The following PTPRK variants were observed in gnomAD, a reference collection of about 807,000 sequenced individuals.
PTPRK encodes the protein receptor-type tyrosine-protein phosphatase kappa.
Under a neutral mutation model 178.0 loss-of-function variants are expected in PTPRK, and 75 were observed. The observed-to-expected ratio is 0.42, with a 90% CI of 0.35 to 0.51. The LOEUF (loss-of-function observed/expected upper bound fraction) is 0.51, where lower values mean the gene tolerates loss of function less well. PTPRK is among the 20% of genes least tolerant of loss of function. The pLI is 0.02. For missense variants in PTPRK, 1,441 were observed against 1,797.8 expected (o/e 0.80, Z 3.59); for synonymous variants, 637 against 620.6 (o/e 1.03, Z -0.39).
At chr6:128,494,560 C>T (rs562558549) in intron 1 of PTPRK, among the ~76,000 whole-genome samples, 4 of 152,188 alleles carry the variant, frequency 2.6e-5, no homozygotes, top group African/African-American at 9.6e-5. Context: ...CTTTTGTTTC[C>T]CTGGGGGCAA....
chr6:128,123,281 A>AT (rs1337221943), intron 7 of PTPRK, among the ~76,000 whole-genome samples: 1 of 152,156 alleles, frequency 6.6e-6, no homozygotes, highest in Non-Finnish European at 1.5e-5. Flanking sequence ...CTGCAGACAC[A>AT]TTGATTTTTG....
At chr6:128,302,642 A>T (rs1470461133) in intron 3 of PTPRK, among the ~76,000 whole-genome samples, 1 of 150,440 alleles carries the variant, frequency 6.6e-6, no homozygotes, top group Non-Finnish European at 1.5e-5. Flanking sequence ...GTTACTCAAT[A>T]TTGTGGTTTG....
chr6:128,055,333 A>G lies in PTPRK; in HGVS notation c.2194+9425T>C, dbSNP rs146112876. Among the ~76,000 whole-genome samples, 4 of 152,252 alleles carry G rather than the reference A, an allele frequency of 2.6e-5. No individual in the cohort carries two copies. In the East Asian group the frequency reaches 7.7e-4, roughly 29 times the overall value. The stretch of plus-strand genomic sequence containing the variant: ...TAGTTTAACCTGAAAATGATCTACA[A>G]CCAATGTATATAAATGAACTGGCCC... On this transcript the variant is annotated intron_variant, in intron 13 of 29. Transcript: ENST00000368226.
intron 7 of PTPRK, among the ~76,000 whole-genome samples, chr6:128,129,497 T>A (rs902049228): frequency 6.6e-6 from 1 of 152,150 alleles, no homozygotes; most frequent in Non-Finnish European, 1.5e-5. Flanking sequence ...GTTCTTTTTG[T>A]TACATTCATA....
intron 3 of PTPRK, among the ~76,000 whole-genome samples, chr6:128,304,762 A>T (rs1826125997): frequency 6.6e-6 from 1 of 152,256 alleles, no homozygotes. Context: ...CAAGGAGTTC[A>T]TTTTCACATA....
chr6:128,238,025 A>T lies in PTPRK; in HGVS notation c.693+2010T>A, dbSNP rs1308522477. 1.3e-5 allele frequency: 6 copies of T among 451,612 alleles called. No individual in the cohort carries two copies. In the Admixed American group the frequency reaches 1.4e-4, roughly 11 times the overall value. The allele number at this position is 451,612 out of a possible 1,614,324, so 28.0% of individuals were successfully genotyped here. On this transcript the variant is annotated intron_variant, in intron 5 of 29. Transcript: ENST00000368226. ...TATTTCTTGTAGATGGGGAAGACTG[A>T]TGTAAGTGAATAAGTTAAGGTAATT...
At chr6:128,034,132 C>T (rs570299213) in intron 13 of PTPRK, among the ~76,000 whole-genome samples, 12 of 152,290 alleles carry the variant, frequency 7.9e-5, no homozygotes, top group Non-Finnish European at 1.3e-4. Flanking sequence ...CTCAAACTTA[C>T]ATTATTATCA....
At chr6:127,997,975 G>A (rs917729717) in intron 16 of PTPRK, among the ~76,000 whole-genome samples, 7 of 152,090 alleles carry the variant, frequency 4.6e-5, no homozygotes, top group African/African-American at 1.4e-4. Flanking sequence ...TTCATGGGTA[G>A]TGGACTGGCT....
rs567984647 is a variant in PTPRK at position 128,169,057 on chromosome 6, G to A, written c.1162+15375C>T. ...CAAATGAGAAACAGAGAGCAGGGAG[G>A]GGGAGAATATCTGGAGAATCGGTTA... On this transcript the variant is annotated intron_variant, in intron 7 of 29. Transcript: ENST00000368226. Among the ~76,000 whole-genome samples, 13 of 152,108 alleles carry A rather than the reference G, an allele frequency of 8.5e-5. No individual in the cohort carries two copies. In the South Asian group the frequency reaches 2.7e-3, roughly 32 times the overall value.
chr6:128,060,135 T>C (rs986700800), intron 13 of PTPRK, among the ~76,000 whole-genome samples: 6 of 152,162 alleles, frequency 3.9e-5, no homozygotes, highest in Non-Finnish European at 5.9e-5. Flanking sequence ...GTATTCCAGA[T>C]ATACAGTAGT....
At chr6:127,987,668 TAGTAGTTACAC>T (rs1316168229) in intron 21 of PTPRK, among the ~76,000 whole-genome samples, 3 of 152,148 alleles carry the variant, frequency 2.0e-5, no homozygotes, top group African/African-American at 4.8e-5. Flanking sequence ...TTGTCTTTTC[TAGTAGTTACAC>T]AGTTTATTCC....
intron 2 of PTPRK, among the ~76,000 whole-genome samples, chr6:128,396,711 G>A (rs886706869): frequency 3.3e-5 from 5 of 151,990 alleles, no homozygotes; most frequent in East Asian, 1.9e-4. Flanking sequence ...GGTAAAAAAC[G>A]AAAAGATGCT....
chr6:128,337,162 T>C (rs1475378481), intron 2 of PTPRK, among the ~76,000 whole-genome samples: 2 of 152,252 alleles, frequency 1.3e-5, no homozygotes, highest in East Asian at 3.9e-4. Context: ...TATACAACTT[T>C]TTAGTTAATA....
chr6:128,459,536 T>C (rs929477402), intron 1 of PTPRK, among the ~76,000 whole-genome samples: 1 of 152,278 alleles, frequency 6.6e-6, no homozygotes, highest in Admixed American at 6.5e-5. Context: ...ATGGAGTCAT[T>C]TGAACCAGTG....
At chr6:128,113,332 TA>T (rs1307112611) in intron 7 of PTPRK, among the ~76,000 whole-genome samples, 1 of 151,080 alleles carries the variant, frequency 6.6e-6, no homozygotes, top group Non-Finnish European at 1.5e-5. Context: ...TTTGTGCACA[TA>T]CATAATTTCT....
chr6:128,354,474 A>T (rs1036980380), intron 2 of PTPRK, among the ~76,000 whole-genome samples: 1 of 151,634 alleles, frequency 6.6e-6, no homozygotes, highest in Non-Finnish European at 1.5e-5. Flanking sequence ...TGACCTCATG[A>T]TCTGCCCGCC....
At chr6:128,206,239 G>A (rs1371979366) in intron 6 of PTPRK, among the ~76,000 whole-genome samples, 1 of 151,600 alleles carries the variant, frequency 6.6e-6, no homozygotes, top group Non-Finnish European at 1.5e-5. Context: ...GTGACTTAAA[G>A]AGAAGGTAAA....
chr6:128,437,722 A>T (rs1041885879), intron 1 of PTPRK, among the ~76,000 whole-genome samples: 8 of 152,240 alleles, frequency 5.3e-5, no homozygotes, highest in Non-Finnish European at 1.0e-4. Context: ...AGTAGCAGGC[A>T]GAGAAATAAT....
At chr6:128,001,260 GAA>G in intron 15 of PTPRK, 1 of 1,432,016 alleles carries the variant, frequency 7.0e-7, no homozygotes, top group Non-Finnish European at 9.5e-7. Context: ...GAATCAGTAT[GAA>G]AAGTTTCTAA....
Sources: gnomAD v4.1 joint callset for allele counts (sites outside exome capture counted in the v4.1 genomes callset) on GRCh38, gnomAD v4.1.1 for gene constraint, MANE v1.5 for transcripts, NCBI Gene and HGNC (gene_info 2026-07-23, HGNC 2026-07-21) for gene names.